Variants in NXPE2 observed in about 807,000 individuals in gnomAD.
NXPE2 encodes neurexophilin and PC-esterase domain family member 2.
Under a neutral mutation model 34.4 loss-of-function variants are expected in NXPE2, and 34 were observed. That is an observed-to-expected ratio of 0.99 (90% CI 0.75 to 1.31). The LOEUF (loss-of-function observed/expected upper bound fraction) is 1.31. Among genes scored for constraint, NXPE2 ranks in the 40% most tolerant of loss-of-function variants. The pLI is 0.00. For missense variants in NXPE2, 649 were observed against 672.5 expected, an observed-to-expected ratio of 0.97 and a Z score of 0.39; for synonymous variants, 235 against 231.3, an observed-to-expected ratio of 1.02 and a Z score of -0.15.
chr11:114,481,803 A>G, the NXPE2 span, among the ~76,000 whole-genome samples: 3 of 152,078 alleles, frequency 2.0e-5, no homozygotes, highest in Non-Finnish European at 4.4e-5. Flanking sequence ...TGAGGACTTC[A>G]TCTCAGTTGT....
the NXPE2 span, among the ~76,000 whole-genome samples, chr11:114,544,073 G>C: frequency 6.6e-6 from 1 of 152,114 alleles, no homozygotes; most frequent in Non-Finnish European, 1.5e-5. Context: ...ATTAATGGAA[G>C]AAATTTTAAA....
rs115509216 is a variant in NXPE2 at position 114,681,451 on chromosome 11, C to A, written c.132+1689C>A. 8.6e-3 allele frequency among the ~76,000 whole-genome samples: 1,317 copies of A among 152,272 alleles called. 19 individuals carry two copies. The highest frequency in any genetic ancestry group is 0.03 in the African/African-American group (1,262 of 41,550). Reference sequence around the variant, plus strand: ...CCTTGGCACAGTGTTTTATTGGACTCATTTAAATAAAGGGCACAGAAACTC... The same window carrying A: ...CCTTGGCACAGTGTTTTATTGGACTAATTTAAATAAAGGGCACAGAAACTC... On this transcript the variant is annotated intron_variant, in intron 2 of 5. Coordinates refer to ENST00000389586, the MANE Select transcript of NXPE2 (RefSeq NM_182495.6).
the NXPE2 span, among the ~76,000 whole-genome samples, chr11:114,637,182 T>C: frequency 6.6e-6 from 1 of 151,938 alleles, no homozygotes; most frequent in Admixed American, 6.6e-5. Flanking sequence ...GATAGTTAGC[T>C]CTTCTTGTTG....
At chr11:114,534,812 A>G in the NXPE2 span, among the ~76,000 whole-genome samples, 3 of 152,224 alleles carry the variant, frequency 2.0e-5, no homozygotes, top group African/African-American at 4.8e-5. Context: ...TAATTGGTGT[A>G]CCTGAAAGTG....
chr11:114,734,019 C>T, the NXPE2 span, among the ~76,000 whole-genome samples: 1 of 152,128 alleles, frequency 6.6e-6, no homozygotes, highest in Non-Finnish European at 1.5e-5. Flanking sequence ...TAAATGGCAG[C>T]AGGAATTTGT....
At chr11:114,490,346 G>T in the NXPE2 span, among the ~76,000 whole-genome samples, 1 of 151,960 alleles carries the variant, frequency 6.6e-6, no homozygotes, top group East Asian at 1.9e-4. Flanking sequence ...CACAGAATTG[G>T]AAAAAACTAA....
the NXPE2 span, among the ~76,000 whole-genome samples, chr11:114,612,954 T>C: frequency 6.6e-6 from 1 of 151,988 alleles, no homozygotes; most frequent in Non-Finnish European, 1.5e-5. Context: ...TGTTACCTGC[T>C]GGATAATAAT....
the NXPE2 span, among the ~76,000 whole-genome samples, chr11:114,521,393 C>T: frequency 2.0e-5 from 3 of 152,286 alleles, no homozygotes; most frequent in African/African-American, 7.2e-5. Context: ...AATGAAGAGA[C>T]TCCTTTGGGT....
At chr11:114,574,032 A>G in the NXPE2 span, among the ~76,000 whole-genome samples, 304 of 152,262 alleles carry the variant, frequency 2.0e-3, 2 homozygotes, top group African/African-American at 6.8e-3. Flanking sequence ...ACAGTGGAAT[A>G]AAATTGGAAA....
the NXPE2 span, among the ~76,000 whole-genome samples, chr11:114,807,106 G>A: frequency 0.96 from 144,127 of 149,532 alleles, 69,702 homozygotes; most frequent in Middle Eastern, 1. Flanking sequence ...TCATAAGTGA[G>A]GGAGAAATAA....
the NXPE2 span, among the ~76,000 whole-genome samples, chr11:114,798,662 G>A: frequency 4.6e-5 from 7 of 152,166 alleles, no homozygotes; most frequent in Non-Finnish European, 7.3e-5. Flanking sequence ...GATTACAGGC[G>A]TGAGCCACTG....
rs1951465345 is a variant in NXPE2, at chr11:114,705,974, C to T, written c.1122C>T (p.Tyr374=). 7.0e-7 allele frequency: 1 copy of T among 1,426,712 alleles called. No individual in the cohort carries two copies. Among genetic ancestry groups the T allele is most frequent in the South Asian group, 1.6e-5 (1 of 60,978 alleles). The allele number at this position is 1,426,712 out of a possible 1,614,324, so 88.4% of individuals were successfully genotyped here. The part of the protein sequence containing the change: ...MGDSTLHQWI[Y]YLQKAVKTLK... Reference sequence around the variant, plus strand: ...ATTCAACACTGCATCAGTGGATTTACTACTTACAAAAAGCTGTGAAAAGTA... The same window carrying T: ...ATTCAACACTGCATCAGTGGATTTATTACTTACAAAAAGCTGTGAAAAGTA... The change falls in exon 5 of 6, where the codon TAC becomes TAT. Residue 374 remains tyrosine (Y), a synonymous_variant. Transcript: ENST00000389586.
At chr11:114,791,699 A>G in the NXPE2 span, among the ~76,000 whole-genome samples, 2 of 152,256 alleles carry the variant, frequency 1.3e-5, no homozygotes, top group African/African-American at 4.8e-5. Flanking sequence ...GTTGCCACCA[A>G]GGGTGAACTG....
chr11:114,768,817 T>C, the NXPE2 span, among the ~76,000 whole-genome samples: 2 of 151,990 alleles, frequency 1.3e-5, no homozygotes, highest in African/African-American at 4.8e-5. Flanking sequence ...GCTGAGACAA[T>C]GGGGTTTTCT....
upstream of NXPE2, among the ~76,000 whole-genome samples, chr11:114,678,176 T>C (rs1222717894): frequency 6.6e-6 from 1 of 152,082 alleles, no homozygotes; most frequent in East Asian, 1.9e-4. Context: ...CTGTTTTTCT[T>C]CTTTCTGATT....
chr11:114,803,592 T>TG, the NXPE2 span, among the ~76,000 whole-genome samples: 5 of 151,926 alleles, frequency 3.3e-5, no homozygotes, highest in South Asian at 2.1e-4. Flanking sequence ...CTCTTTTTTT[T>TG]TTTGAGATGG....
At chr11:114,786,357 C>CA in the NXPE2 span, among the ~76,000 whole-genome samples, 1 of 125,336 alleles carries the variant, frequency 8.0e-6, no homozygotes, top group African/African-American at 3.0e-5. Context: ...ATCTTTCTAC[C>CA]CCCGCCCCCC....
At chr11:114,493,554 C>T in the NXPE2 span, among the ~76,000 whole-genome samples, 1 of 152,152 alleles carries the variant, frequency 6.6e-6, no homozygotes, top group Non-Finnish European at 1.5e-5. Context: ...GAACCGATGA[C>T]AACTTAACAC....
chr11:114,523,214 T>C, the NXPE2 span: 1 of 676,852 alleles, frequency 1.5e-6, no homozygotes, highest in South Asian at 1.9e-5. Context: ...CCTTTTTCTG[T>C]CCCTTTCTAG....
Sources: gnomAD v4.1 joint callset for allele counts (sites outside exome capture counted in the v4.1 genomes callset) on GRCh38, gnomAD v4.1.1 for gene constraint, MANE v1.5 for transcripts, NCBI Gene and HGNC (gene_info 2026-07-23, HGNC 2026-07-21) for gene names.